The following TLK1 variants were observed in gnomAD, a reference collection of about 807,000 sequenced individuals.
TLK1 encodes the protein tousled like kinase 1.
TLK1 carries 24 observed loss-of-function variants against 105.3 expected under a neutral mutation model. The ratio of observed to expected loss-of-function variants is 0.23; its 90% CI spans 0.17 to 0.32. The LOEUF is 0.32. TLK1 is among the 10% of genes least tolerant of loss of function. TLK1 has a pLI of 1.00. For synonymous variants in TLK1, 321 were observed against 310.4 expected, an observed-to-expected ratio of 1.03 and a Z score of -0.36; for missense variants, 558 against 910.5, an observed-to-expected ratio of 0.61 and a Z score of 4.98.
chr2:171,068,554 C>G (rs542349558), intron 3 of TLK1, among the ~76,000 whole-genome samples: 1 of 152,198 alleles, frequency 6.6e-6, no homozygotes, highest in East Asian at 1.9e-4. Flanking sequence ...ATTTATAAAG[C>G]TTTTATTTAA....
Position 171,082,838 on chromosome 2 carries a change from G to T in TLK1, c.273C>A (p.Asn91Lys). Residue 91 changes from asparagine to lysine, a missense_variant, in exon 3 of 21, where the codon AAC becomes AAA. Asn to Lys is a moderately conservative substitution (Grantham distance 94, BLOSUM62 0). Around this residue, in one of 5 missense-constraint regions of TLK1, gnomAD observed 104 missense variants for 116.0 expected, o/e 0.90. Coordinates refer to ENST00000431350, the MANE Select transcript of TLK1 (RefSeq NM_012290.5). The part of the protein sequence containing the change: ...CSVGAKASTN[N>K]ESSNHSFGSL... ...TTCCAAAACTGTGATTAGAGCTTTC[G>T]TTATTTGTTGAGGCCTGTTAAAGAT... 6.2e-7 allele frequency: 1 copy of T among 1,608,732 alleles called. No individual in the cohort carries two copies.
intron 18 of TLK1, among the ~76,000 whole-genome samples, chr2:171,003,777 A>T (rs1684511835): frequency 6.6e-6 from 1 of 152,148 alleles, no homozygotes; most frequent in Admixed American, 6.5e-5. Context: ...GCATCTTTAC[A>T]TTTGTTTACG....
At chr2:171,035,961 C>T (rs980182861) in intron 11 of TLK1, among the ~76,000 whole-genome samples, 3 of 152,178 alleles carry the variant, frequency 2.0e-5, no homozygotes, top group Non-Finnish European at 2.9e-5. Context: ...ATTTCAGGTC[C>T]GTGATCGCTA....
At chr2:171,228,893 G>A (rs1693944347) in intron 1 of TLK1, among the ~76,000 whole-genome samples, 1 of 152,198 alleles carries the variant, frequency 6.6e-6, no homozygotes, top group African/African-American at 2.4e-5. Context: ...GTCAATGCCT[G>A]CCTACTCAAC....
intron 13 of TLK1, 72 bp downstream of exon 13, chr2:171,014,779 T>C (rs1226979874): frequency 9.1e-7 from 1 of 1,100,090 alleles, no homozygotes; most frequent in Admixed American, 2.0e-5. Flanking sequence ...AAGGAAATAT[T>C]GTGTTTATGC....
At chr2:171,107,967 G>T (rs533515974) in intron 2 of TLK1, among the ~76,000 whole-genome samples, 1 of 152,032 alleles carries the variant, frequency 6.6e-6, no homozygotes, top group Non-Finnish European at 1.5e-5. Context: ...TTACGCATGA[G>T]GATCACTTGA....
intron 1 of TLK1, among the ~76,000 whole-genome samples, chr2:171,201,998 G>A (rs914237994): frequency 2.0e-5 from 3 of 152,032 alleles, no homozygotes; most frequent in Non-Finnish European, 2.9e-5. Flanking sequence ...CCTTGCACAG[G>A]GAAGAGGGGC....
chr2:171,119,788 G>C (rs1690578995), intron 1 of TLK1, among the ~76,000 whole-genome samples: 1 of 152,110 alleles, frequency 6.6e-6, no homozygotes, highest in Admixed American at 6.5e-5. Flanking sequence ...AATTGAGTTG[G>C]ATCCTTACTT....
intron 1 of TLK1, among the ~76,000 whole-genome samples, chr2:171,213,785 T>C (rs2105326994): frequency 6.9e-6 from 1 of 144,696 alleles, no homozygotes; most frequent in Admixed American, 6.9e-5. Flanking sequence ...TGCTATGGCA[T>C]GATCATGGCT....
At chr2:171,225,920 G>T (rs1189111992) in intron 1 of TLK1, among the ~76,000 whole-genome samples, 1 of 152,094 alleles carries the variant, frequency 6.6e-6, no homozygotes, top group African/African-American at 2.4e-5. Flanking sequence ...ATTGTCATGG[G>T]CTGTAGTTGC....
intron 11 of TLK1, among the ~76,000 whole-genome samples, chr2:171,043,622 T>C (rs1272904283): frequency 6.6e-6 from 1 of 152,150 alleles, no homozygotes; most frequent in Non-Finnish European, 1.5e-5. Flanking sequence ...AAGACAGCAT[T>C]AACTTGAGTT....
At chr2:171,012,649 T>C (rs1199204969) in intron 13 of TLK1, among the ~76,000 whole-genome samples, 1 of 152,164 alleles carries the variant, frequency 6.6e-6, no homozygotes, top group Non-Finnish European at 1.5e-5. Flanking sequence ...CAGCTAATTT[T>C]TGTATTTTTA....
intron 1 of TLK1, among the ~76,000 whole-genome samples, chr2:171,168,189 C>T (rs992406243): frequency 6.6e-6 from 1 of 152,096 alleles, no homozygotes; most frequent in Non-Finnish European, 1.5e-5. Flanking sequence ...ATCTTTCCCA[C>T]TCCATAGTTT....
chr2:171,102,835 A>T (rs1689748864), intron 2 of TLK1, among the ~76,000 whole-genome samples: 1 of 152,206 alleles, frequency 6.6e-6, no homozygotes, highest in Admixed American at 6.5e-5. Flanking sequence ...GCAGTGAAAA[A>T]AACAGACTGA....
chr2:171,150,581 G>T (rs1691993017), intron 1 of TLK1, among the ~76,000 whole-genome samples: 1 of 152,148 alleles, frequency 6.6e-6, no homozygotes, highest in African/African-American at 2.4e-5. Flanking sequence ...CTGACAATCA[G>T]AATTGATTAC....
intron 11 of TLK1, among the ~76,000 whole-genome samples, chr2:171,030,747 G>T (rs999044875): frequency 6.6e-6 from 1 of 152,024 alleles, no homozygotes; most frequent in African/African-American, 2.4e-5. Context: ...ATTTAAATTT[G>T]TTTTCTTTCT....
intron 3 of TLK1, among the ~76,000 whole-genome samples, chr2:171,067,519 A>C (rs1258431167): frequency 2.6e-5 from 4 of 152,196 alleles, no homozygotes; most frequent in African/African-American, 9.6e-5. Context: ...GTATCAATTG[A>C]CATGTTTACA....
chr2:171,203,675 T>C (rs1356491615), intron 1 of TLK1, among the ~76,000 whole-genome samples: 3 of 152,206 alleles, frequency 2.0e-5, no homozygotes, highest in African/African-American at 7.2e-5. Context: ...TGTTAATTTA[T>C]ACAGAATATA....
chr2:171,136,024 T>C (rs1691304395), intron 1 of TLK1, among the ~76,000 whole-genome samples: 1 of 152,168 alleles, frequency 6.6e-6, no homozygotes, highest in Non-Finnish European at 1.5e-5. Flanking sequence ...ACACCCATGT[T>C]CATAGCAGCA....
Sources: gnomAD v4.1 joint callset for allele counts (sites outside exome capture counted in the v4.1 genomes callset) on GRCh38, gnomAD v4.1.1 for gene constraint, gnomAD v4.1.1 regional missense constraint, MANE v1.5 for transcripts, NCBI Gene and HGNC (gene_info 2026-07-23, HGNC 2026-07-21) for gene names.